LDHC: variants seen among roughly 807,000 people sequenced by gnomAD.
The protein encoded by LDHC is lactate dehydrogenase C, also known as L-lactate dehydrogenase C chain.
In LDHC, 20 loss-of-function variants were observed where a neutral mutation model predicts 30.2. The ratio of observed to expected loss-of-function variants is 0.66; its 90% confidence interval spans 0.47 to 0.96. LDHC has a LOEUF of 0.96. Ranked by LOEUF, LDHC falls within the 40% of genes least tolerant of loss-of-function variation. The pLI, the probability that LDHC is intolerant of heterozygous loss-of-function variation, is 0.00. For missense variants in LDHC, 362 were observed against 394.9 expected, an observed-to-expected ratio of 0.92 and a Z score of 0.71; for synonymous variants, 139 against 132.7, an observed-to-expected ratio of 1.05 and a Z score of -0.32.
At chr11:18,428,706 C>T (rs1304358771) in intron 3 of LDHC, among the ~76,000 whole-genome samples, 1 of 151,872 alleles carries the variant, frequency 6.6e-6, no homozygotes, top group African/African-American at 2.4e-5. Context: ...GAAACCCCGT[C>T]TCTACCAAAA....
intron 1 of LDHC, 119 bp from the exon 2 acceptor site, chr11:18,412,590 C>G: frequency 1.1e-6 from 1 of 914,176 alleles, no homozygotes; most frequent in Non-Finnish European, 1.7e-6. Context: ...CATCCTTTGA[C>G]CAGGAAATTC....
chr11:18,437,751 C>CAAA (rs11308924), intron 5 of LDHC, among the ~76,000 whole-genome samples: 2 of 126,388 alleles, frequency 1.6e-5, no homozygotes, highest in African/African-American at 3.0e-5. Context: ...GACTCCCTCT[C>CAAA]AAAAAAAAAA....
intron 6 of LDHC, among the ~76,000 whole-genome samples, chr11:18,443,494 CTG>C (rs1160419709): frequency 7.1e-6 from 1 of 141,174 alleles, no homozygotes; most frequent in African/African-American, 2.7e-5. Flanking sequence ...CAGTCTGGCT[CTG>C]TCATCCAGGC....
chr11:18,418,928 CAG>C (rs1867071797), intron 3 of LDHC, among the ~76,000 whole-genome samples: 1 of 152,032 alleles, frequency 6.6e-6, no homozygotes, highest in African/African-American at 2.4e-5. Flanking sequence ...GTGAGAAAAC[CAG>C]AGAGTTAAGC....
chr11:18,446,127 T>G, intron 6 of LDHC, 83 bp from the exon 7 acceptor site: 1 of 1,210,258 alleles, frequency 8.3e-7, no homozygotes, highest in African/African-American at 1.5e-5. Flanking sequence ...GTAGATAACT[T>G]TAAAATGGAT....
At chr11:18,447,921 C>T (rs911142417) in intron 7 of LDHC, among the ~76,000 whole-genome samples, 6 of 151,718 alleles carry the variant, frequency 4.0e-5, no homozygotes, top group Non-Finnish European at 5.9e-5. Context: ...TGGTGGTGCA[C>T]GCCTGTAGTC....
intron 6 of LDHC, among the ~76,000 whole-genome samples, chr11:18,440,647 G>A (rs962188417): frequency 3.3e-5 from 5 of 152,234 alleles, no homozygotes; most frequent in Admixed American, 2.6e-4. Context: ...AAGCAGTTAA[G>A]GCTGGGTGCA....
At position 18,451,043 on chromosome 11, in the gene LDHC, A is replaced by T. The variant is rs567978312; in HGVS notation, c.915A>T (p.Lys305Asn). Residue 305 changes from lysine (K) to asparagine (N), a missense_variant, in exon 8 of 8, where the codon AAA (lysine) becomes AAT (asparagine). By Grantham distance (94) the Lys-to-Asn change is moderately conservative. Coordinates refer to ENST00000541669, the MANE Select transcript of LDHC (RefSeq NM_017448.5). ...GGAATGGTGTCTCAGATGTTGTGAAAATTAACTTGAATTCTGAGGAGGAGG... is the reference window on the plus strand; with the variant it reads ...GGAATGGTGTCTCAGATGTTGTGAATATTAACTTGAATTCTGAGGAGGAGG... The part of the protein sequence containing the change: ...LGRNGVSDVV[K>N]INLNSEEEAL... The T allele has an allele frequency of 9.8e-5, 156 of 1,593,036 alleles. 1 individual carries two copies. Among genetic ancestry groups the T allele is most frequent in the Non-Finnish European group, 9.0e-5 (106 of 1,172,376 alleles).
rs540081904 is a variant in LDHC, at chr11:18,445,023, A to C, written c.711-1187A>C. ...TGTATAAAAATTTATATTTTTTACA[A>C]GCCAGAGATAAGAAAATGCATAATG... On this transcript the variant is annotated intron_variant, in intron 6 of 7. Transcript: ENST00000541669. Among the ~76,000 whole-genome samples the C allele has an allele frequency of 9.8e-5, 15 of 152,290 alleles. No individual in the cohort carries two copies. In the South Asian group the frequency reaches 3.1e-3, roughly 32 times the overall value.
intron 7 of LDHC, among the ~76,000 whole-genome samples, chr11:18,449,540 G>GA (rs1188354013): frequency 1.4e-5 from 2 of 147,766 alleles, no homozygotes; most frequent in African/African-American, 2.5e-5. Flanking sequence ...TTGACAGTCT[G>GA]AAAAGACAGT....
chr11:18,418,464 C>G (rs1867061968), intron 3 of LDHC, among the ~76,000 whole-genome samples: 1 of 151,546 alleles, frequency 6.6e-6, no homozygotes, highest in African/African-American at 2.4e-5. Flanking sequence ...GAGTCTTGCT[C>G]TGTCACCCAG....
intron 4 of LDHC, among the ~76,000 whole-genome samples, 166 bp downstream of exon 4, chr11:18,430,076 C>T (rs187721897): frequency 2.4e-3 from 360 of 150,050 alleles, no homozygotes; most frequent in Non-Finnish European, 4.0e-3. Flanking sequence ...GAAACTACCG[C>T]CATGATCAAG....
At chr11:18,431,718 T>A (rs557292908) in intron 4 of LDHC, among the ~76,000 whole-genome samples, 1 of 151,984 alleles carries the variant, frequency 6.6e-6, no homozygotes, top group South Asian at 2.1e-4. Flanking sequence ...CTAATTTTTG[T>A]ATTTGTATTT....
At chr11:18,422,011 C>G (rs1298671423) in intron 3 of LDHC, among the ~76,000 whole-genome samples, 1 of 151,604 alleles carries the variant, frequency 6.6e-6, no homozygotes, top group Non-Finnish European at 1.5e-5. Flanking sequence ...GTAGTCCCAG[C>G]TACTCAGGAG....
At chr11:18,415,590 C>T (rs1057155131) in intron 3 of LDHC, among the ~76,000 whole-genome samples, 18 of 152,142 alleles carry the variant, frequency 1.2e-4, no homozygotes, top group Non-Finnish European at 2.9e-5. Context: ...CGCCACCACG[C>T]CTGGCTAATT....
chr11:18,440,144 C>CAAAAA (rs35749455), intron 6 of LDHC, among the ~76,000 whole-genome samples: 16 of 83,054 alleles, frequency 1.9e-4, no homozygotes, highest in African/African-American at 5.3e-4. Context: ...TACTAAAATA[C>CAAAAA]AAAAAAAAAA....
chr11:18,424,233 T>C (rs772001901), intron 3 of LDHC, among the ~76,000 whole-genome samples: 3 of 152,114 alleles, frequency 2.0e-5, no homozygotes, highest in Admixed American at 1.3e-4. Flanking sequence ...AATACAAAAA[T>C]TAGCCGGGCA....
chr11:18,417,353 A>G lies in LDHC; in HGVS notation c.244+2052A>G, dbSNP rs563989558. 2.0e-5 allele frequency among the ~76,000 whole-genome samples: 3 copies of G among 152,332 alleles called. No individual in the cohort carries two copies. The East Asian group carries it at 5.8e-4, about 29-fold the overall frequency. ...TGCTTTAAAGTACTACAAGAAATTTAAAAGTGTTCATGAAGCAGTCTGGTT... is the reference window on the plus strand; with the variant it reads ...TGCTTTAAAGTACTACAAGAAATTTGAAAGTGTTCATGAAGCAGTCTGGTT... On this transcript the variant is annotated intron_variant, in intron 3 of 7. Coordinates refer to ENST00000541669, the MANE Select transcript of LDHC (RefSeq NM_017448.5).
intron 5 of LDHC, among the ~76,000 whole-genome samples, chr11:18,435,595 A>AT (rs1397943452): frequency 6.6e-6 from 1 of 152,114 alleles, no homozygotes; most frequent in Admixed American, 6.6e-5. Flanking sequence ...AGTCTCAGGT[A>AT]TTTCTTTATA....
Sources: allele counts gnomAD v4.1 joint callset (sites outside exome capture counted in the v4.1 genomes callset), GRCh38; gene constraint gnomAD v4.1.1; transcripts MANE v1.5; gene names NCBI Gene and HGNC (gene_info 2026-07-23, HGNC 2026-07-21).